Variants in MAGT1 observed in about 807,000 individuals in gnomAD.
MAGT1 encodes the protein dolichyl-diphosphooligosaccharide--protein glycosyltransferase subunit MAGT1.
Under a neutral mutation model 28.4 loss-of-function variants are expected in MAGT1, and 4 were observed. That is an observed-to-expected ratio of 0.14 (90% confidence interval 0.07 to 0.32). The LOEUF (loss-of-function observed/expected upper bound fraction) is 0.32, where lower values mean the gene tolerates loss of function less well. Ranked by LOEUF, MAGT1 falls within the 10% of genes least tolerant of loss-of-function variation. The pLI is 1.00. For missense variants in MAGT1, 193 were observed against 264.5 expected (o/e 0.73, Z 1.88); for synonymous variants, 89 against 89.7 (o/e 0.99, Z 0.04).
At chrX:77,893,727 T>G (rs782211910) in intron 1 of MAGT1, among the ~76,000 whole-genome samples, 5 of 111,561 alleles carry the variant, frequency 4.5e-5, no homozygotes, top group African/African-American at 1.6e-4. Context: ...AGACTCCGTT[T>G]CTACAAAAAG....
At chrX:77,862,457 A>G (rs2076997098) in intron 3 of MAGT1, among the ~76,000 whole-genome samples, 1 of 112,236 alleles carries the variant, frequency 8.9e-6, no homozygotes, top group African/African-American at 3.2e-5. Context: ...TATTCATTCA[A>G]CAAGGAACTA....
At chrX:77,829,390 TGA>T (rs1746739089) in intron 9 of MAGT1, among the ~76,000 whole-genome samples, 155 bp from the exon 10 acceptor site, 1 of 112,702 alleles carries the variant, frequency 8.9e-6, no homozygotes, top group African/African-American at 3.2e-5. Flanking sequence ...TGAGAAACAC[TGA>T]GAGACCCGTT....
chrX:77,886,680 A>G (rs1448657377), intron 1 of MAGT1, among the ~76,000 whole-genome samples: 1 of 110,914 alleles, frequency 9.0e-6, no homozygotes, highest in Admixed American at 9.7e-5. Flanking sequence ...ATCAAAATCC[A>G]TATTTCTAGA....
Position 77,894,473 on chromosome X carries a change from G to T in MAGT1, c.102+836C>A, listed in dbSNP as rs781868721. On this transcript the variant is annotated intron_variant, in intron 1 of 9. Coordinates refer to ENST00000618282, the MANE Select transcript of MAGT1 (RefSeq NM_001367916.1). ...TATTAGAGGAAGCACAGAATGTACA[G>T]GAAATAGAGTTAGAATGACTGACGT... 1.2e-4 allele frequency among the ~76,000 whole-genome samples: 14 copies of T among 112,132 alleles called. No individual in the cohort carries two copies. The South Asian group carries it at 5.1e-3, about 41-fold the overall frequency.
At position 77,829,045 on chromosome X, in the gene MAGT1, G is replaced by A; in HGVS notation, c.*175C>T. The A allele has an allele frequency of 4.7e-6, 2 of 422,759 alleles. No individual in the cohort carries two copies. Among genetic ancestry groups the A allele is most frequent in the South Asian group, 8.5e-5 (2 of 23,639 alleles). 34.8% of individuals were successfully genotyped at this position (422,759 alleles called of 1,213,427 possible). A position where few individuals can be genotyped will look rare whatever the true frequency, so the allele number is the denominator to read the frequency against. ...TTTTCAAATACCTCAGATTTTGACA[G>A]AGGATTGCTTGTTAAGGCACTACAC... On this transcript the variant is annotated 3_prime_UTR_variant, in exon 10 of 10. Coordinates refer to ENST00000618282, the MANE Select transcript of MAGT1 (RefSeq NM_001367916.1).
chrX:77,854,479 T>C (rs1302328069), intron 6 of MAGT1, among the ~76,000 whole-genome samples: 1 of 111,362 alleles, frequency 9.0e-6, no homozygotes, highest in Non-Finnish European at 1.9e-5. Context: ...CAACAGAATA[T>C]GTCAGAAAAC....
chrX:77,843,677 C>T (rs2076941937), intron 7 of MAGT1, among the ~76,000 whole-genome samples: 1 of 111,447 alleles, frequency 9.0e-6, no homozygotes, highest in African/African-American at 3.3e-5. Context: ...TTGATCATTT[C>T]GTTTTTTAAA....
chrX:77,865,862 G>A (rs2077007278), intron 3 of MAGT1, among the ~76,000 whole-genome samples: 1 of 108,813 alleles, frequency 9.2e-6, no homozygotes, highest in African/African-American at 3.3e-5. Context: ...GCTGACATAC[G>A]AGAGTGCATC....
chrX:77,834,957 CTT>C (rs1217379123), intron 8 of MAGT1, among the ~76,000 whole-genome samples: 7 of 96,611 alleles, frequency 7.2e-5, no homozygotes, highest in Admixed American at 2.3e-4. Context: ...AACATAAAAT[CTT>C]TTTTTTTTTT....
chrX:77,859,686 G>C (rs1324597326), intron 3 of MAGT1, among the ~76,000 whole-genome samples: 1 of 111,567 alleles, frequency 9.0e-6, no homozygotes, highest in African/African-American at 3.3e-5. Flanking sequence ...GGCCAACATG[G>C]TAAAACCCCA....
rs147917952 is a variant in MAGT1 at position 77,856,806 on chromosome X, C to A, written c.599G>T (p.Gly200Val). The A allele has an allele frequency of 1.7e-6, 2 of 1,202,665 alleles. No homozygotes were observed. The highest frequency in any genetic ancestry group is 2.2e-6 in the Non-Finnish European group (2 of 889,014). The change falls in exon 5 of 10, where the codon GGT becomes GTT. Residue 200 changes from glycine to valine, a missense_variant. Coordinates refer to ENST00000618282, the MANE Select transcript of MAGT1 (RefSeq NM_001367916.1). ...ACTTCTTCGAAGATACACAAGTCCA[C>A]CAATAACAGCCAAAAGCAATCCCAA... ...LMLGLLLAVI[G>V]GLVYLRRSNM...
At chrX:77,894,806 G>A (rs781791000) in intron 1 of MAGT1, among the ~76,000 whole-genome samples, 63 of 112,169 alleles carry the variant, frequency 5.6e-4, no homozygotes, top group Non-Finnish European at 1.1e-3. Flanking sequence ...ATGGTTAGGA[G>A]CTTTCAATCT....
chrX:77,847,262 G>A (rs2076954486), intron 7 of MAGT1, among the ~76,000 whole-genome samples: 1 of 112,647 alleles, frequency 8.9e-6, no homozygotes, highest in South Asian at 3.6e-4. Flanking sequence ...CTGGTGTGCT[G>A]TTTGCTAAGA....
chrX:77,830,774 T>A, intron 9 of MAGT1, 31 bp downstream of exon 9: 1 of 849,258 alleles, frequency 1.2e-6, no homozygotes, highest in Admixed American at 2.4e-5. Context: ...GTATTGGTAA[T>A]CACTGTATAA....
At position 77,895,415 on chromosome X, in the gene MAGT1, G is replaced by C. The variant is rs199604767; in HGVS notation, c.-5C>G. On this transcript the variant is annotated 5_prime_UTR_variant, in exon 1 of 10. Transcript: ENST00000618282. ...AAACCGCCAACGCGCTGCCATGTTC[G>C]CTCCTCTCCCTTCTATAAGTGAAAC... 2 of 1,210,715 alleles carry C rather than the reference G, an allele frequency of 1.7e-6. No homozygotes were observed. The highest frequency in any genetic ancestry group is 2.2e-6 in the Non-Finnish European group (2 of 894,823).
intron 1 of MAGT1, among the ~76,000 whole-genome samples, chrX:77,877,594 C>G (rs1472253416): frequency 9.1e-6 from 1 of 109,514 alleles, no homozygotes; most frequent in Non-Finnish European, 1.9e-5. Flanking sequence ...GGGTGGATCA[C>G]TTGAGGTAAG....
Position 77,828,567 on chromosome X carries a change from A to G in MAGT1, c.*653T>C, listed in dbSNP as rs1473424045. 1 of 111,309 alleles carries G rather than the reference A, an allele frequency of 9.0e-6. No individual in the cohort carries two copies. The highest frequency in any genetic ancestry group is 1.9e-5 in the Non-Finnish European group (1 of 53,218). The allele number at this position is 111,309 out of a possible 1,213,427, so 9.2% of individuals were successfully genotyped here. On this transcript the variant is annotated 3_prime_UTR_variant, in exon 10 of 10. Transcript: ENST00000618282. ...GTGTGACACAGCGAGACCGTCTCAA[A>G]AAAACAACAAAACAAAAACAATCAT...
In MAGT1 at chrX:77,827,416, C is replaced by T. The variant is rs1366487160; in HGVS notation, c.*1804G>A. On this transcript the variant is annotated 3_prime_UTR_variant, in exon 10 of 10. Coordinates refer to ENST00000618282, the MANE Select transcript of MAGT1 (RefSeq NM_001367916.1). ...TCAATATTTTATGATTTTTCTTTCC[C>T]ATTCTAAGGGAGTCCTTTTCTTTCT... 1 of 110,139 alleles carries T rather than the reference C, an allele frequency of 9.1e-6. No individual in the cohort carries two copies. Among genetic ancestry groups the T allele is most frequent in the Non-Finnish European group, 1.9e-5 (1 of 52,769 alleles). The allele number at this position is 110,139 out of a possible 1,213,427, so 9.1% of individuals were successfully genotyped here.
intron 1 of MAGT1, among the ~76,000 whole-genome samples, chrX:77,876,850 C>A (rs1300020728): frequency 7.3e-5 from 8 of 108,947 alleles, no homozygotes; most frequent in Admixed American, 3.0e-4. Flanking sequence ...CCCGTCTGTA[C>A]CAAAAATACA....
Sources: gnomAD v4.1 joint callset for allele counts (sites outside exome capture counted in the v4.1 genomes callset) on GRCh38, gnomAD v4.1.1 for gene constraint, MANE v1.5 for transcripts, NCBI Gene and HGNC (gene_info 2026-07-23, HGNC 2026-07-21) for gene names.